POLN: variants seen among roughly 807,000 people sequenced by gnomAD.
POLN encodes the protein DNA polymerase nu, also known as DNA polymerase N.
Under a neutral mutation model 113.5 loss-of-function variants are expected in POLN, and 108 were observed. The observed-to-expected ratio is 0.95, with a 90% CI of 0.81 to 1.12. The LOEUF (loss-of-function observed/expected upper bound fraction) is 1.12. Among genes scored for constraint, POLN ranks in the 50% most tolerant of loss-of-function variants. POLN has a pLI of 0.00. For missense variants in POLN, 1,097 were observed against 1,077.1 expected, an observed-to-expected ratio of 1.02 and a Z score of -0.26; for synonymous variants, 386 against 391.5, an observed-to-expected ratio of 0.99 and a Z score of 0.17.
chr4:2,207,004 C>T (rs1263979191), intron 5 of POLN, among the ~76,000 whole-genome samples: 1 of 152,174 alleles, frequency 6.6e-6, no homozygotes, highest in East Asian at 1.9e-4. Flanking sequence ...AACCCAAATG[C>T]CCATCAATCA....
chr4:2,177,250 C>A (rs540442276), intron 8 of POLN: 2 of 468,062 alleles, frequency 4.3e-6, no homozygotes, highest in East Asian at 1.3e-4. Context: ...CACAGCTGCA[C>A]GAGGAGCCCC....
At position 2,176,117 on chromosome 4, in the gene POLN, C is replaced by T. The variant is rs1167375446; in HGVS notation, c.1248+149G>A. On this transcript the variant is annotated intron_variant, in intron 9 of 25. Transcript: ENST00000511885. Reference sequence around the variant, plus strand: ...CTTCAGTTCTTATCATTCTAGACAACCCTTTTCTGAGTAATGCACAGGTTA... The same window carrying T: ...CTTCAGTTCTTATCATTCTAGACAATCCTTTTCTGAGTAATGCACAGGTTA... 7 of 687,186 alleles carry T rather than the reference C, an allele frequency of 1.0e-5. No homozygotes were observed. The Admixed American group carries it at 1.7e-4, about 17-fold the overall frequency. 42.6% of individuals were successfully genotyped at this position (687,186 alleles called of 1,614,324 possible). A position where few individuals can be genotyped will look rare whatever the true frequency, so the allele number is the denominator to read the frequency against.
chr4:2,078,794 T>G lies in POLN; in HGVS notation c.2387+2164A>C, dbSNP rs377037294. 5 of 985,368 alleles carry G rather than the reference T, an allele frequency of 5.1e-6. No homozygotes were observed. In the African/African-American group the frequency reaches 8.7e-5, roughly 17 times the overall value. The allele number at this position is 985,368 out of a possible 1,614,324, so 61.0% of individuals were successfully genotyped here. A position where few individuals can be genotyped will look rare whatever the true frequency, so the allele number is the denominator to read the frequency against. On this transcript the variant is annotated intron_variant, in intron 23 of 25. Transcript: ENST00000511885. ...CAGCCAATGGCTGATGACAGAAGGA[T>G]GACCAGCGAGTAACTGCGTTCCTGA...
In POLN at chr4:2,190,605, A is replaced by G. The variant is rs556428222; in HGVS notation, c.1021+2599T>C. Among the ~76,000 whole-genome samples, 38 of 152,340 alleles carry G rather than the reference A, an allele frequency of 2.5e-4. No individual in the cohort carries two copies. In the South Asian group the frequency reaches 7.7e-3, roughly 31 times the overall value. The stretch of plus-strand genomic sequence containing the variant: ...GTGAACAGACAACTCACAGAATGGA[A>G]GAAAATATTTGCAAACTATCCATCT... On this transcript the variant is annotated intron_variant, in intron 7 of 25. Transcript: ENST00000511885.
chr4:2,121,430 G>A (rs1017929951), intron 19 of POLN, among the ~76,000 whole-genome samples: 8 of 65,478 alleles, frequency 1.2e-4, no homozygotes, highest in Non-Finnish European at 4.3e-5. Context: ...GCGAGACTCT[G>A]TCTCAAAAAA....
intron 9 of POLN, among the ~76,000 whole-genome samples, chr4:2,175,858 G>A (rs1207703627): frequency 2.0e-5 from 3 of 152,102 alleles, no homozygotes; most frequent in Non-Finnish European, 4.4e-5. Context: ...GGTTCCCTTT[G>A]CCCTCCCTGG....
chr4:2,198,394 A>G, intron 6 of POLN, 130 bp downstream of exon 6: 5 of 709,330 alleles, frequency 7.0e-6, no homozygotes, highest in Non-Finnish European at 8.5e-6. Flanking sequence ...ACTTGGATCC[A>G]TTTTATTTTC....
chr4:2,121,480 C>A (rs1234953652), intron 19 of POLN, among the ~76,000 whole-genome samples: 1 of 149,578 alleles, frequency 6.7e-6, no homozygotes, highest in Non-Finnish European at 1.5e-5. Flanking sequence ...GGGAAGCCAT[C>A]TGAGCCTGAG....
chr4:2,106,641 C>A (rs919817429), intron 19 of POLN, among the ~76,000 whole-genome samples: 1 of 152,294 alleles, frequency 6.6e-6, no homozygotes, highest in African/African-American at 2.4e-5. Flanking sequence ...TTTAACAGAT[C>A]CTTTGAGAGA....
At chr4:2,241,441 G>A in intron 2 of POLN, 79 bp downstream of exon 2, 2 of 951,172 alleles carry the variant, frequency 2.1e-6, no homozygotes, top group Non-Finnish European at 2.5e-6. Context: ...AGGCTAGGCA[G>A]CCTCTCTTCC....
chr4:2,128,112 C>G lies in POLN; in HGVS notation c.1982+1G>C. The G allele has an allele frequency of 6.4e-7, 1 of 1,563,036 alleles. No individual in the cohort carries two copies. On this transcript the variant is annotated splice_donor_variant, in intron 19 of 25. Coordinates refer to ENST00000511885, the MANE Select transcript of POLN (RefSeq NM_181808.4). LOFTEE classifies it high-confidence loss of function. ...TAATATTGTGAGTTCATATATCTTA[C>G]CACTGTGAAGTCAGAGTAGAAAATA...
intron 15 of POLN, among the ~76,000 whole-genome samples, chr4:2,157,208 GA>G (rs1350656361): frequency 6.6e-6 from 1 of 152,192 alleles, no homozygotes; most frequent in East Asian, 1.9e-4. Context: ...CTTGCTGTGT[GA>G]ACTTGAACGA....
intron 19 of POLN, among the ~76,000 whole-genome samples, chr4:2,098,909 C>T (rs1010288586): frequency 5.9e-5 from 5 of 85,408 alleles, no homozygotes; most frequent in South Asian, 1.0e-3. Flanking sequence ...TGCACATGCA[C>T]GTGCGTGCGC....
Position 2,148,425 on chromosome 4 carries a change from T to A in POLN, c.1731+8363A>T, listed in dbSNP as rs183407793. On this transcript the variant is annotated intron_variant, in intron 16 of 25. Coordinates refer to ENST00000511885, the MANE Select transcript of POLN (RefSeq NM_181808.4). ...GGCTCATGCCTGTAATCCCAGCACT[T>A]TGGGAGGCCGACGCGGGTAGATTAC... is the stretch of plus-strand genomic sequence containing the variant. Among the ~76,000 whole-genome samples, 40 of 152,108 alleles carry A rather than the reference T, an allele frequency of 2.6e-4. No homozygotes were observed. In the South Asian group the frequency reaches 7.5e-3, roughly 28 times the overall value.
chr4:2,159,255 A>G, intron 13 of POLN, 44 bp from the exon 14 acceptor site: 1 of 1,413,822 alleles, frequency 7.1e-7, no homozygotes, highest in Non-Finnish European at 9.9e-7. Flanking sequence ...CGTCCATTTT[A>G]ACATTTTAAA....
chr4:2,176,071 C>T (rs1017683631), intron 9 of POLN, among the ~76,000 whole-genome samples, 195 bp downstream of exon 9: 2 of 152,210 alleles, frequency 1.3e-5, no homozygotes, highest in African/African-American at 4.8e-5. Flanking sequence ...TGTTTTCAAC[C>T]TACAGAAAGC....
chr4:2,179,305 C>G lies in POLN; in HGVS notation c.1179+3G>C, dbSNP rs756238045. On this transcript the variant is annotated splice_donor_region_variant and intron_variant, in intron 8 of 25. Transcript: ENST00000511885. ...TGATAAAACTTTATCTTAAACAACT[C>G]ACCACAATATTTCTTGAGGAATTTC... The G allele has an allele frequency of 1.2e-6, 2 of 1,609,644 alleles. No individual in the cohort carries two copies.
chr4:2,192,511 T>C (rs1292999936), intron 7 of POLN, among the ~76,000 whole-genome samples: 1 of 151,980 alleles, frequency 6.6e-6, no homozygotes, highest in African/African-American at 2.4e-5. Context: ...GGCTAATTTT[T>C]GTATTTTTAG....
intron 24 of POLN, among the ~76,000 whole-genome samples, 194 bp downstream of exon 24, chr4:2,075,258 G>A (rs1730248544): frequency 6.6e-6 from 1 of 152,232 alleles, no homozygotes; most frequent in Non-Finnish European, 1.5e-5. Flanking sequence ...GCCCACTTGG[G>A]CCTTTCAAGG....
Sources: allele counts gnomAD v4.1 joint callset (sites outside exome capture counted in the v4.1 genomes callset), GRCh38; gene constraint gnomAD v4.1.1; transcripts MANE v1.5; gene names NCBI Gene and HGNC (gene_info 2026-07-23, HGNC 2026-07-21).